The following ZNF486 variants were observed in gnomAD, a reference collection of about 807,000 sequenced individuals.
ZNF486 encodes zinc finger protein 486, also known as KRAB box only protein 2.
In ZNF486, 12 loss-of-function variants were observed where a neutral mutation model predicts 12.8. The ratio of observed to expected loss-of-function variants is 0.94; its 90% CI spans 0.60 to 1.52. The LOEUF is 1.52. Ranked by LOEUF, ZNF486 falls within the 40% of genes most tolerant of loss-of-function variation. ZNF486 has a pLI of 0.00. For synonymous variants in ZNF486, 231 were observed against 184.9 expected, an observed-to-expected ratio of 1.25 and a Z score of -2.02; for missense variants, 738 against 545.0, an observed-to-expected ratio of 1.35 and a Z score of -3.53.
intron 3 of ZNF486, among the ~76,000 whole-genome samples, chr19:20,186,925 G>T (rs2089853996): frequency 6.6e-6 from 1 of 151,512 alleles, no homozygotes; most frequent in Non-Finnish European, 1.5e-5. Flanking sequence ...TGAGATTACA[G>T]GTGCATACAA....
intron 3 of ZNF486, chr19:20,188,889 A>G (rs1424422549): frequency 6.4e-6 from 1 of 155,960 alleles, no homozygotes; most frequent in Non-Finnish European, 1.4e-5. Context: ...AATATTCTCA[A>G]TGTTCATCTT....
Position 20,189,870 on chromosome 19 carries a change from G to A in ZNF486, c.253+3788G>A, listed in dbSNP as rs114150900. ...ATTTGTTGCTCATGCATTTAATGTC[G>A]TATCTAAGAAAATGGTGGCAAGACC... On this transcript the variant is annotated intron_variant, in intron 3 of 3. Coordinates refer to ENST00000335117, the MANE Select transcript of ZNF486 (RefSeq NM_052852.4). Among the ~76,000 whole-genome samples the A allele has an allele frequency of 9.5e-3, 1,451 of 152,158 alleles. 25 individuals carry two copies. The highest frequency in any genetic ancestry group is 0.034 in the African/African-American group (1,392 of 41,508).
chr19:20,186,995 G>GGCT (rs138670056), intron 3 of ZNF486, among the ~76,000 whole-genome samples: 5,202 of 151,828 alleles, frequency 0.034, 332 homozygotes, highest in African/African-American at 0.12. Context: ...ATGTTGGCCA[G>GGCT]GCTGGTCTTG....
chr19:20,181,303 GC>G (rs1555715515), intron 1 of ZNF486, among the ~76,000 whole-genome samples: 2 of 152,054 alleles, frequency 1.3e-5, no homozygotes, highest in Admixed American at 1.3e-4. Flanking sequence ...ACTTTGGGAG[GC>G]CAAGGCGGGC....
intron 1 of ZNF486, among the ~76,000 whole-genome samples, chr19:20,179,122 A>G (rs933059845): frequency 3.9e-5 from 6 of 152,260 alleles, no homozygotes; most frequent in Non-Finnish European, 7.3e-5. Context: ...TGTTAAAATG[A>G]AAGTGCAGTT....
intron 3 of ZNF486, among the ~76,000 whole-genome samples, chr19:20,186,557 T>TA (rs2089849053): frequency 6.6e-6 from 1 of 152,180 alleles, no homozygotes; most frequent in African/African-American, 2.4e-5. Context: ...TCTTGAAATA[T>TA]AGTTTGAAAT....
At position 20,197,582 on chromosome 19, in the gene ZNF486, A is replaced by G; in HGVS notation, c.872A>G (p.Glu291Gly). ...LTTHKIIHTG[E>G]QPYKCKECDK... Reference sequence around the variant, plus strand: ...ACACATAAGATAATCCATACTGGAGAGCAACCCTACAAATGTAAAGAATGT... The same window carrying G: ...ACACATAAGATAATCCATACTGGAGGGCAACCCTACAAATGTAAAGAATGT... Residue 291 changes from glutamate to glycine, a missense_variant, in exon 4 of 4, where the codon GAG (glutamate) becomes GGG (glycine). Physicochemically the swap from Glu to Gly is moderately conservative, Grantham distance 98. Transcript: ENST00000335117. 1 of 1,613,734 alleles carries G rather than the reference A, an allele frequency of 6.2e-7. No individual in the cohort carries two copies. The highest frequency in any genetic ancestry group is 8.5e-7 in the Non-Finnish European group (1 of 1,179,842).
intron 3 of ZNF486, among the ~76,000 whole-genome samples, chr19:20,195,851 C>T (rs901266479): frequency 2.0e-5 from 3 of 152,204 alleles, no homozygotes; most frequent in South Asian, 2.1e-4. Flanking sequence ...TACCTTTAGA[C>T]TCAGCAAACT....
chr19:20,167,415 T>A (rs1049836070), intron 1 of ZNF486, 55 bp downstream of exon 1: 2 of 1,597,330 alleles, frequency 1.3e-6, no homozygotes, highest in South Asian at 2.2e-5. Context: ...TGATGGGAAG[T>A]GGCTGTGGAG....
At chr19:20,194,908 ACAT>A (rs1440834949) in intron 3 of ZNF486, among the ~76,000 whole-genome samples, 1 of 151,980 alleles carries the variant, frequency 6.6e-6, no homozygotes, top group East Asian at 1.9e-4. Flanking sequence ...TTTCATGTTT[ACAT>A]CATATTTTCT....
rs1097510 is a variant in ZNF486 at position 20,184,337 on chromosome 19, G to T, written c.31-19G>T. ...CAACGGCGACTTGGTGAAAATGTGT[G>T]TGTGTGTGTGTTTTTCAGGAATCAT... On this transcript the variant is annotated intron_variant, in intron 1 of 3. Coordinates refer to ENST00000335117, the MANE Select transcript of ZNF486 (RefSeq NM_052852.4). 4 of 1,609,800 alleles carry T rather than the reference G, an allele frequency of 2.5e-6. No homozygotes were observed. The highest frequency in any genetic ancestry group is 2.5e-6 in the Non-Finnish European group (3 of 1,177,376).
At chr19:20,171,785 G>A (rs1433246542) in intron 1 of ZNF486, among the ~76,000 whole-genome samples, 4 of 152,118 alleles carry the variant, frequency 2.6e-5, no homozygotes, top group African/African-American at 4.8e-5. Flanking sequence ...ATTATGTCAT[G>A]GGGATTTGTT....
At chr19:20,179,640 TA>T (rs1211720658) in intron 1 of ZNF486, among the ~76,000 whole-genome samples, 55 of 148,530 alleles carry the variant, frequency 3.7e-4, no homozygotes, top group Non-Finnish European at 2.2e-4. Context: ...GCCTGGGATT[TA>T]AAAAAAAAAG....
intron 3 of ZNF486, among the ~76,000 whole-genome samples, chr19:20,188,072 G>C (rs1423280825): frequency 6.6e-6 from 1 of 152,092 alleles, no homozygotes; most frequent in East Asian, 1.9e-4. Flanking sequence ...GTCTGCATAT[G>C]GTGGGCCTTA....
chr19:20,168,333 T>G (rs940954021), intron 1 of ZNF486, among the ~76,000 whole-genome samples: 8 of 148,758 alleles, frequency 5.4e-5, no homozygotes, highest in Non-Finnish European at 1.2e-4. Context: ...TACTTAAGTG[T>G]GCGTGACAGA....
intron 2 of ZNF486, 127 bp from the exon 3 acceptor site, chr19:20,185,860 G>T (rs1321355722): frequency 1.3e-5 from 6 of 453,860 alleles, no homozygotes; most frequent in Admixed American, 9.4e-5. Context: ...TTAGAAATTT[G>T]TTATGAATTA....
chr19:20,175,377 A>AGAG (rs1555714548), intron 1 of ZNF486: 1 of 123,364 alleles, frequency 8.1e-6, no homozygotes, highest in East Asian at 2.7e-4. Flanking sequence ...TGTTTCTCGC[A>AGAG]GAGGGGGATT....
intron 1 of ZNF486, among the ~76,000 whole-genome samples, chr19:20,183,330 A>T (rs1342923866): frequency 6.6e-6 from 1 of 152,230 alleles, no homozygotes; most frequent in African/African-American, 2.4e-5. Context: ...TATGCAGAAC[A>T]GGATTAAGAA....
intron 1 of ZNF486, 142 bp from the exon 2 acceptor site, chr19:20,184,214 C>T: frequency 8.0e-7 from 1 of 1,257,354 alleles, no homozygotes; most frequent in South Asian, 1.5e-5. Context: ...GAAAATATTT[C>T]TGTATTGAAA....
Sources: gnomAD v4.1 joint callset for allele counts (sites outside exome capture counted in the v4.1 genomes callset) on GRCh38, gnomAD v4.1.1 for gene constraint, MANE v1.5 for transcripts, NCBI Gene and HGNC (gene_info 2026-07-23, HGNC 2026-07-21) for gene names.